SHLD2: variants seen among roughly 807,000 people sequenced by gnomAD.
SHLD2 encodes the protein shieldin complex subunit 2.
Under a neutral mutation model 73.2 loss-of-function variants are expected in SHLD2, and 30 were observed. The ratio of observed to expected loss-of-function variants is 0.41; its 90% CI spans 0.31 to 0.56. SHLD2 has a LOEUF of 0.56. SHLD2 is among the 20% of genes least tolerant of loss of function. SHLD2 has a pLI of 0.28. For synonymous variants in SHLD2, 285 were observed against 370.1 expected, an observed-to-expected ratio of 0.77 and a Z score of 2.64; for missense variants, 745 against 1,055.9, an observed-to-expected ratio of 0.71 and a Z score of 4.08.
At chr10:87,156,650 C>T (rs1846453014) in intron 3 of SHLD2, among the ~76,000 whole-genome samples, 3 of 152,264 alleles carry the variant, frequency 2.0e-5, no homozygotes, top group Admixed American at 1.3e-4. Flanking sequence ...CCTCCATGCA[C>T]CACTAGTGAT....
intron 2 of SHLD2, among the ~76,000 whole-genome samples, chr10:87,108,957 C>G (rs1221696646): frequency 6.6e-6 from 1 of 152,278 alleles, no homozygotes; most frequent in East Asian, 1.9e-4. Flanking sequence ...GATTGTCTGC[C>G]TCTGCCACTT....
rs527628497 is a variant in SHLD2, at chr10:87,109,008, A to G, written c.-6+12019A>G. 4.6e-5 allele frequency among the ~76,000 whole-genome samples: 7 copies of G among 152,314 alleles called. No homozygotes were observed. In the East Asian group the frequency reaches 1.3e-3, roughly 29 times the overall value. On this transcript the variant is annotated intron_variant, in intron 2 of 9. Transcript: ENST00000298786. ...CTGCTACTACTGTAGCCCCTGGGCAACACATCTGTGCATGCTGGGTCCTCC... is the reference window on the plus strand; with the variant it reads ...CTGCTACTACTGTAGCCCCTGGGCAGCACATCTGTGCATGCTGGGTCCTCC...
At position 87,151,552 on chromosome 10, in the gene SHLD2, A is replaced by G. The variant is rs776210406; in HGVS notation, c.198A>G (p.Glu66=). 12 of 1,611,374 alleles carry G rather than the reference A, an allele frequency of 7.4e-6. No homozygotes were observed. In the Admixed American group the frequency reaches 2.0e-4, roughly 27 times the overall value. ...ATCTTGAAAACTATAAAGTCCCAGA[A>G]TCTATTGGTTCTCCAGATCTTAGTG... ...HKNLENYKVP[E]SIGSPDLSGH... Residue 66 remains glutamate, a synonymous_variant, in exon 3 of 10, where the codon GAA becomes GAG. Transcript: ENST00000298786.
rs555125122 is a variant in SHLD2 at position 87,175,520 on chromosome 10, C to G, written c.1964-369C>G. Among the ~76,000 whole-genome samples the G allele has an allele frequency of 3.4e-3, 521 of 151,758 alleles. 4 individuals carry two copies. The highest frequency in any genetic ancestry group is 0.012 in the African/African-American group (496 of 41,324). ...CCAACATGGTGAAACCCTGTCTCTACTAAAAATACAAAAATTAGCCGGGAG... is the reference window on the plus strand; with the variant it reads ...CCAACATGGTGAAACCCTGTCTCTAGTAAAAATACAAAAATTAGCCGGGAG... On this transcript the variant is annotated intron_variant, in intron 6 of 9. Transcript: ENST00000298786.
chr10:87,166,677 G>C (rs1244053277), intron 4 of SHLD2, among the ~76,000 whole-genome samples: 2 of 152,176 alleles, frequency 1.3e-5, no homozygotes, highest in Non-Finnish European at 2.9e-5. Flanking sequence ...GAGGCAAAGA[G>C]TTCAAGACCA....
At chr10:87,104,987 G>A (rs1425813700) in intron 2 of SHLD2, among the ~76,000 whole-genome samples, 1 of 152,098 alleles carries the variant, frequency 6.6e-6, no homozygotes, top group Non-Finnish European at 1.5e-5. Context: ...TCACCTGTAT[G>A]TTATTTATTA....
rs182191098 is a variant in SHLD2 at position 87,155,092 on chromosome 10, G to A, written c.1525+2213G>A. On this transcript the variant is annotated intron_variant, in intron 3 of 9. Transcript: ENST00000298786. Reference sequence around the variant, plus strand: ...TGGGACTACAGGCGCCTGCCACCGCGCGCGGCTAATTTTTTTGTATTTTTA... The same window carrying A: ...TGGGACTACAGGCGCCTGCCACCGCACGCGGCTAATTTTTTTGTATTTTTA... Among the ~76,000 whole-genome samples, 1,116 of 152,028 alleles carry A rather than the reference G, an allele frequency of 7.3e-3. 10 individuals carry two copies. The highest frequency in any genetic ancestry group is 0.024 in the African/African-American group (986 of 41,454).
intron 4 of SHLD2, among the ~76,000 whole-genome samples, chr10:87,159,562 C>T (rs7903456): frequency 0.68 from 103,647 of 152,048 alleles, 36,073 homozygotes; most frequent in Middle Eastern, 0.89. Context: ...TACAGAATGC[C>T]GTGGTTCTAG....
chr10:87,142,043 A>AT (rs984969006), intron 2 of SHLD2, among the ~76,000 whole-genome samples: 11 of 149,770 alleles, frequency 7.3e-5, no homozygotes, highest in Non-Finnish European at 1.6e-4. Context: ...AAAAAAAAAA[A>AT]ATATATCAAA....
intron 2 of SHLD2, among the ~76,000 whole-genome samples, chr10:87,100,007 A>G (rs1339941875): frequency 1.3e-5 from 2 of 152,090 alleles, no homozygotes; most frequent in East Asian, 3.8e-4. Context: ...TATGTTCTAG[A>G]TGTAAGTTCC....
At chr10:87,134,746 C>G (rs890872618) in intron 2 of SHLD2, among the ~76,000 whole-genome samples, 1 of 152,188 alleles carries the variant, frequency 6.6e-6, no homozygotes. Flanking sequence ...CTAGAGATAA[C>G]TCTCACCCCA....
chr10:87,108,748 C>T lies in SHLD2; in HGVS notation c.-6+11759C>T, dbSNP rs150400871. 6.5e-3 allele frequency among the ~76,000 whole-genome samples: 991 copies of T among 152,320 alleles called. 7 individuals are homozygous for T. Among genetic ancestry groups the T allele is most frequent in the Non-Finnish European group, 0.011 (753 of 68,032 alleles). On this transcript the variant is annotated intron_variant, in intron 2 of 9. Coordinates refer to ENST00000298786, the MANE Select transcript of SHLD2 (RefSeq NM_001330112.2). ...TAAATTAATTACATGTTAATCTAAACCCTTGGTAAATACTTGGTCCTTTTG... is the reference window on the plus strand; with the variant it reads ...TAAATTAATTACATGTTAATCTAAATCCTTGGTAAATACTTGGTCCTTTTG...
At position 87,151,846 on chromosome 10, in the gene SHLD2, C is replaced by A. The variant is rs751334486; in HGVS notation, c.492C>A (p.Asn164Lys). The change falls in exon 3 of 10, where the codon AAC becomes AAA. Residue 164 changes from asparagine (N) to lysine (K), a missense_variant. Physicochemically the swap from Asn to Lys is moderately conservative, Grantham distance 94. Around this residue, in one of 5 missense-constraint regions of SHLD2, gnomAD observed 280 missense variants for 353.9 expected, o/e 0.79. Transcript: ENST00000298786. Reference protein sequence around the residue: ...HQPDICGKNFNTNLFQLGHKC... With the variant: ...HQPDICGKNFKTNLFQLGHKC... ...CAGATATATGTGGTAAGAACTTTAA[C>A]ACAAATTTGTTTCAGTTGGGCCATA... 3 of 1,611,630 alleles carry A rather than the reference C, an allele frequency of 1.9e-6. No homozygotes were observed. The highest frequency in any genetic ancestry group is 2.5e-6 in the Non-Finnish European group (3 of 1,179,664).
In SHLD2 at chr10:87,125,315, T is replaced by A. The variant is rs537444135; in HGVS notation, c.-5-26035T>A. Among the ~76,000 whole-genome samples the A allele has an allele frequency of 2.0e-5, 3 of 152,184 alleles. No individual in the cohort carries two copies. The East Asian group carries it at 5.8e-4, about 29-fold the overall frequency. On this transcript the variant is annotated intron_variant, in intron 2 of 9. Coordinates refer to ENST00000298786, the MANE Select transcript of SHLD2 (RefSeq NM_001330112.2). The stretch of plus-strand genomic sequence containing the variant: ...TAGGTATATATTAAAGGGATCAAAT[T>A]TTTTTTTAGAGTAATGTAAAATTAA...
At chr10:87,157,109 G>A (rs3129498) in intron 3 of SHLD2, among the ~76,000 whole-genome samples, 4 of 152,156 alleles carry the variant, frequency 2.6e-5, no homozygotes, top group Admixed American at 2.0e-4. Flanking sequence ...GCAGCATAGC[G>A]TCAACAAATG....
chr10:87,146,927 A>C (rs1341178483), intron 2 of SHLD2, among the ~76,000 whole-genome samples: 2 of 151,628 alleles, frequency 1.3e-5, no homozygotes, highest in East Asian at 3.9e-4. Flanking sequence ...ATGGTGGTGC[A>C]TGCCTGTAAT....
chr10:87,162,634 C>T (rs1396246142), intron 4 of SHLD2, among the ~76,000 whole-genome samples: 2 of 152,022 alleles, frequency 1.3e-5, no homozygotes, highest in East Asian at 3.9e-4. Flanking sequence ...GTCGAGGCTG[C>T]AGTGAGCTGT....
At position 87,170,470 on chromosome 10, in the gene SHLD2, T is replaced by C. The variant is rs531777516; in HGVS notation, c.1634-8T>C. On this transcript the variant is annotated splice_region_variant and splice_polypyrimidine_tract_variant and intron_variant, in intron 4 of 9. Coordinates refer to ENST00000298786, the MANE Select transcript of SHLD2 (RefSeq NM_001330112.2). ...CTTTTGTCTGTCTGTATGTTTTTTT[T>C]CCCTTAGATTCCAGTGTAGTTAGTG... The C allele has an allele frequency of 8.2e-5, 127 of 1,547,456 alleles. No individual in the cohort carries two copies. In the South Asian group the frequency reaches 9.1e-4, roughly 11 times the overall value.
At chr10:87,103,830 G>A (rs1366900855) in intron 2 of SHLD2, among the ~76,000 whole-genome samples, 1 of 152,194 alleles carries the variant, frequency 6.6e-6, no homozygotes, top group Non-Finnish European at 1.5e-5. Flanking sequence ...GTCAACAAAG[G>A]TTTATCAACT....
Sources: allele counts gnomAD v4.1 joint callset (sites outside exome capture counted in the v4.1 genomes callset), GRCh38; gene constraint gnomAD v4.1.1; regional missense constraint gnomAD v4.1.1; transcripts MANE v1.5; gene names NCBI Gene and HGNC (gene_info 2026-07-23, HGNC 2026-07-21).